The following BCAR3 variants were observed in gnomAD, a reference collection of about 807,000 sequenced individuals.
The protein encoded by BCAR3 is breast cancer anti-estrogen resistance protein 3.
BCAR3 carries 37 observed loss-of-function variants against 80.1 expected under a neutral mutation model. The observed-to-expected ratio is 0.46, with a 90% CI of 0.36 to 0.61. The LOEUF is 0.61. Ranked by LOEUF, BCAR3 falls within the 20% of genes least tolerant of loss-of-function variation. BCAR3 has a pLI of 0.00. For missense variants in BCAR3, 978 were observed against 1,068.2 expected (o/e 0.92, Z 1.18); for synonymous variants, 389 against 418.9 (o/e 0.93, Z 0.87).
chr1:93,595,445 T>C (rs1009125595), intron 3 of BCAR3, among the ~76,000 whole-genome samples: 3 of 152,220 alleles, frequency 2.0e-5, no homozygotes, highest in African/African-American at 7.2e-5. Flanking sequence ...CCAGGTTTGC[T>C]GCTGGGAGCC....
intron 2 of BCAR3, among the ~76,000 whole-genome samples, chr1:93,713,400 A>T (rs1650093118): frequency 6.6e-6 from 1 of 152,170 alleles, no homozygotes; most frequent in Non-Finnish European, 1.5e-5. Flanking sequence ...CTGGTCCAAG[A>T]TTCTTTCCTG....
At chr1:93,767,292 G>A (rs1182805929) in intron 2 of BCAR3, among the ~76,000 whole-genome samples, 1 of 152,144 alleles carries the variant, frequency 6.6e-6, no homozygotes, top group Non-Finnish European at 1.5e-5. Context: ...GGAGGCCGAG[G>A]CAGGCGAATC....
At chr1:93,788,223 A>G (rs1653020691) in intron 2 of BCAR3, among the ~76,000 whole-genome samples, 2 of 152,148 alleles carry the variant, frequency 1.3e-5, no homozygotes, top group African/African-American at 2.4e-5. Flanking sequence ...AGTCTCTTGA[A>G]GTCAGTAGAT....
At chr1:93,673,693 C>T (rs1436613850) in intron 2 of BCAR3, among the ~76,000 whole-genome samples, 1 of 152,210 alleles carries the variant, frequency 6.6e-6, no homozygotes, top group Non-Finnish European at 1.5e-5. Context: ...CATTTACAAC[C>T]ATAAGGCTCA....
intron 2 of BCAR3, among the ~76,000 whole-genome samples, chr1:93,737,803 T>C (rs568021201): frequency 2.0e-5 from 3 of 152,246 alleles, no homozygotes; most frequent in South Asian, 4.2e-4. Flanking sequence ...GGGTGGTCAA[T>C]GATGAAACTG....
Position 93,821,924 on chromosome 1 carries a change from G to C in BCAR3, c.-63+23643C>G, listed in dbSNP as rs115585434. On this transcript the variant is annotated intron_variant, in intron 2 of 13. Transcript: ENST00000370244. ...ATGAGAGCTTGGGTGTGTGCTTTCTGCACCTTGTATTTAACCACTGTACCA... is the reference window on the plus strand; with the variant it reads ...ATGAGAGCTTGGGTGTGTGCTTTCTCCACCTTGTATTTAACCACTGTACCA... Among the ~76,000 whole-genome samples the C allele has an allele frequency of 5.4e-3, 827 of 152,262 alleles. 3 individuals carry two copies. Among genetic ancestry groups the C allele is most frequent in the African/African-American group, 0.019 (777 of 41,538 alleles).
In BCAR3 at chr1:93,571,829, C is replaced by T. The variant is rs777540480; in HGVS notation, c.1815G>A (p.Met605Ile). ...RLDIIERHNTMAIGIAVDILG... is the reference protein window; with the variant it reads ...RLDIIERHNTIAIGIAVDILG... Reference sequence around the variant, plus strand: ...GAATGTCCACTGCAATGCCGATGGCCATTGTGTTGTGTCTGAAAGCCAGGA... The same window carrying T: ...GAATGTCCACTGCAATGCCGATGGCTATTGTGTTGTGTCTGAAAGCCAGGA... Residue 605 changes from methionine to isoleucine, a missense_variant, in exon 9 of 12, where the codon ATG becomes ATA. Met to Ile is a conservative substitution (Grantham distance 10, BLOSUM62 1). Coordinates refer to ENST00000260502, the MANE Select transcript of BCAR3 (RefSeq NM_003567.4). The T allele has an allele frequency of 1.2e-6, 2 of 1,613,004 alleles. No homozygotes were observed. The highest frequency in any genetic ancestry group is 2.7e-5 in the African/African-American group (2 of 74,880).
intron 2 of BCAR3, among the ~76,000 whole-genome samples, chr1:93,786,254 C>T (rs999904002): frequency 6.8e-5 from 10 of 146,258 alleles, no homozygotes; most frequent in African/African-American, 2.5e-4. Context: ...CCTGGGAATG[C>T]TCATACCTGT....
At chr1:93,593,070 A>T (rs1674275288) in intron 3 of BCAR3, among the ~76,000 whole-genome samples, 1 of 152,242 alleles carries the variant, frequency 6.6e-6, no homozygotes, top group African/African-American at 2.4e-5. Flanking sequence ...ATGTTTGAGA[A>T]TCAGTGGTCT....
chr1:93,693,372 C>A (rs937561403), intron 3 of BCAR3, among the ~76,000 whole-genome samples: 1 of 152,182 alleles, frequency 6.6e-6, no homozygotes, highest in African/African-American at 2.4e-5. Context: ...GAAGAAAGAA[C>A]CCCTTGAGTG....
At chr1:93,653,904 T>C (rs2101922704) in intron 2 of BCAR3, among the ~76,000 whole-genome samples, 1 of 152,318 alleles carries the variant, frequency 6.6e-6, no homozygotes, top group South Asian at 2.1e-4. Context: ...CAGGAGTCAA[T>C]GCCACCTGAG....
intron 3 of BCAR3, among the ~76,000 whole-genome samples, chr1:93,635,090 T>C (rs764645792): frequency 5.3e-5 from 8 of 152,046 alleles, no homozygotes; most frequent in Non-Finnish European, 1.2e-4. Context: ...CTGGGTGTGG[T>C]AGTGAGTGCC....
intron 2 of BCAR3, among the ~76,000 whole-genome samples, chr1:93,815,106 C>T (rs1213268928): frequency 6.6e-6 from 1 of 152,216 alleles, no homozygotes; most frequent in Non-Finnish European, 1.5e-5. Context: ...GTAAAGGAAA[C>T]AAGCTGAGCA....
chr1:93,701,733 C>T (rs1571058831), intron 3 of BCAR3, among the ~76,000 whole-genome samples: 1 of 152,320 alleles, frequency 6.6e-6, no homozygotes. Context: ...GATTCTGTCT[C>T]CATTTTTGGT....
chr1:93,843,547 A>C (rs1255669631), intron 2 of BCAR3, among the ~76,000 whole-genome samples: 1 of 151,728 alleles, frequency 6.6e-6, no homozygotes, highest in Non-Finnish European at 1.5e-5. Flanking sequence ...CAGGGTCCTG[A>C]CTCCACAGGC....
intron 1 of BCAR3, chr1:93,847,050 C>T (rs1373891890): frequency 9.6e-6 from 2 of 207,832 alleles, no homozygotes; most frequent in Non-Finnish European, 1.0e-5. Context: ...AGCCCAGGCC[C>T]GAGAGGGGTC....
In BCAR3 at chr1:93,674,906, G is replaced by C; in HGVS notation, c.25C>G (p.Leu9Val). 1 of 1,560,982 alleles carries C rather than the reference G, an allele frequency of 6.4e-7. No homozygotes were observed. Among genetic ancestry groups the C allele is most frequent in the Non-Finnish European group, 8.6e-7 (1 of 1,160,876 alleles). The change falls in exon 2 of 12, where the codon CTT becomes GTT. Residue 9 changes from leucine (L) to valine (V), a missense_variant. Coordinates refer to ENST00000260502, the MANE Select transcript of BCAR3 (RefSeq NM_003567.4). MAAGKFAS[L>V]PRNMPVNHQF... ...TGATTCACCGGCATGTTTCTGGGAAGGCTTGCAAATTTTCCTGCAGCCATA... is the reference window on the plus strand; with the variant it reads ...TGATTCACCGGCATGTTTCTGGGAACGCTTGCAAATTTTCCTGCAGCCATA...
At chr1:93,686,904 A>C (rs970411794) in intron 3 of BCAR3, among the ~76,000 whole-genome samples, 20 of 152,188 alleles carry the variant, frequency 1.3e-4, no homozygotes, top group African/African-American at 4.8e-4. Flanking sequence ...CCACAAACTA[A>C]ATAACCAGAT....
intron 3 of BCAR3, among the ~76,000 whole-genome samples, chr1:93,634,836 A>G (rs1277717107): frequency 3.3e-5 from 5 of 152,190 alleles, no homozygotes; most frequent in Non-Finnish European, 7.3e-5. Flanking sequence ...TGGAACTGTA[A>G]GTTCAATAAA....
Sources: allele counts gnomAD v4.1 joint callset (sites outside exome capture counted in the v4.1 genomes callset), GRCh38; gene constraint gnomAD v4.1.1; transcripts MANE v1.5; gene names NCBI Gene and HGNC (gene_info 2026-07-23, HGNC 2026-07-21).